KLHL8: variants seen among roughly 807,000 people sequenced by gnomAD.
The protein encoded by KLHL8 is kelch-like protein 8.
KLHL8 carries 38 observed loss-of-function variants against 63.5 expected under a neutral mutation model. The observed-to-expected ratio is 0.60, with a 90% CI of 0.46 to 0.78. KLHL8 has a LOEUF of 0.78. KLHL8 is among the 30% of genes least tolerant of loss of function. The probability of loss-of-function intolerance (pLI) is 0.00; values close to 1 mark genes in which losing one functional copy is unlikely to be tolerated. For synonymous variants in KLHL8, 224 were observed against 254.3 expected (o/e 0.88, Z 1.13); for missense variants, 566 against 752.4 (o/e 0.75, Z 2.90).
chr4:87,190,033 CA>C (rs35607781), intron 2 of KLHL8, among the ~76,000 whole-genome samples: 27,156 of 76,210 alleles, frequency 0.36, 1,613 homozygotes, highest in Middle Eastern at 0.4. Flanking sequence ...GCCTCCATCT[CA>C]AAAAAAAAAA....
chr4:87,199,168 C>T (rs1286427693), intron 1 of KLHL8, among the ~76,000 whole-genome samples: 1 of 152,040 alleles, frequency 6.6e-6, no homozygotes, highest in African/African-American at 2.4e-5. Flanking sequence ...ACCACGCCAA[C>T]AGTAACAAGA....
chr4:87,164,175 T>A, intron 8 of KLHL8, 96 bp from the exon 9 acceptor site: 1 of 1,164,924 alleles, frequency 8.6e-7, no homozygotes. Flanking sequence ...TCTTTTAAAA[T>A]CATTTTAGAA....
At chr4:87,185,104 T>G in intron 3 of KLHL8, 147 bp downstream of exon 3, 1 of 733,802 alleles carries the variant, frequency 1.4e-6, no homozygotes, top group Non-Finnish European at 2.1e-6. Context: ...ACAGGAAAAT[T>G]AGAGAGCTAA....
chr4:87,239,785 G>T (rs1222258231), intron 1 of KLHL8, among the ~76,000 whole-genome samples: 1 of 152,092 alleles, frequency 6.6e-6, no homozygotes, highest in Non-Finnish European at 1.5e-5. Context: ...AAACCTCCTT[G>T]CCAGGTTAGT....
At chr4:87,191,692 A>G (rs1193295168) in intron 2 of KLHL8, among the ~76,000 whole-genome samples, 1 of 152,084 alleles carries the variant, frequency 6.6e-6, no homozygotes, top group Admixed American at 6.6e-5. Context: ...AAATGAATCT[A>G]TAACCCAGGT....
chr4:87,172,380 G>A (rs1416117600), intron 6 of KLHL8, among the ~76,000 whole-genome samples: 3 of 152,172 alleles, frequency 2.0e-5, no homozygotes, highest in Non-Finnish European at 4.4e-5. Context: ...CTTGATTCTG[G>A]CCTTGTGGGA....
At position 87,206,262 on chromosome 4, in the gene KLHL8, T is replaced by C. The variant is rs137932159; in HGVS notation, c.-151-10572A>G. 2.7e-3 allele frequency among the ~76,000 whole-genome samples: 405 copies of C among 152,296 alleles called. 4 individuals are homozygous for C. Among genetic ancestry groups the C allele is most frequent in the African/African-American group, 9.3e-3 (388 of 41,558 alleles). ...TGACTTCCCCTAACCAATCACCACATTCCTCCTTGCCATCAATAAACATCT... is the reference window on the plus strand; with the variant it reads ...TGACTTCCCCTAACCAATCACCACACTCCTCCTTGCCATCAATAAACATCT... On this transcript the variant is annotated intron_variant, in intron 1 of 9. Coordinates refer to ENST00000273963, the MANE Select transcript of KLHL8 (RefSeq NM_020803.5).
intron 2 of KLHL8, among the ~76,000 whole-genome samples, chr4:87,189,466 CTT>C (rs1731390805): frequency 6.6e-6 from 1 of 152,046 alleles, no homozygotes; most frequent in Non-Finnish European, 1.5e-5. Flanking sequence ...TTAATAAAAA[CTT>C]TGAGTAATTT....
intron 1 of KLHL8, chr4:87,207,701 T>C (rs1732196737): frequency 2.2e-6 from 2 of 923,634 alleles, no homozygotes; most frequent in Admixed American, 1.8e-5. Context: ...CTCCAGAACA[T>C]CATCCCTGCC....
rs1025407657 is a variant in KLHL8, at chr4:87,162,728, T to C, written c.*791A>G. 3 of 152,220 alleles carry C rather than the reference T, an allele frequency of 2.0e-5. No homozygotes were observed. The highest frequency in any genetic ancestry group is 1.3e-4 in the Admixed American group (2 of 15,270). 9.4% of individuals were successfully genotyped at this position (152,220 alleles called of 1,614,324 possible). A position where few individuals can be genotyped will look rare whatever the true frequency, so the allele number is the denominator to read the frequency against. ...ATCATTCTTTCTCAAGGTCTCTCAA[T>C]TGGGCACCAGAATAACATCAGATCT... On this transcript the variant is annotated 3_prime_UTR_variant, in exon 10 of 10. Coordinates refer to ENST00000273963, the MANE Select transcript of KLHL8 (RefSeq NM_020803.5).
At chr4:87,226,747 AAT>A (rs1491175894) in intron 1 of KLHL8, among the ~76,000 whole-genome samples, 1 of 20,548 alleles carries the variant, frequency 4.9e-5, no homozygotes, top group South Asian at 1.5e-3. Context: ...ATTTATATAT[AAT>A]ATATATTATT....
At chr4:87,191,724 A>G (rs140416591) in intron 2 of KLHL8, among the ~76,000 whole-genome samples, 1,729 of 152,140 alleles carry the variant, frequency 0.011, 39 homozygotes, top group African/African-American at 0.039. Context: ...TACACAACAT[A>G]AAATAAACAG....
chr4:87,237,226 T>C (rs1733248020), intron 1 of KLHL8, among the ~76,000 whole-genome samples: 1 of 151,914 alleles, frequency 6.6e-6, no homozygotes, highest in Non-Finnish European at 1.5e-5. Flanking sequence ...ATAATGCAAA[T>C]AACAGCAATA....
Position 87,163,982 on chromosome 4 carries a change from A to T in KLHL8, c.1635T>A (p.Gly545=). 1 of 1,613,964 alleles carries T rather than the reference A, an allele frequency of 6.2e-7. No individual in the cohort carries two copies. The highest frequency in any genetic ancestry group is 8.5e-7 in the Non-Finnish European group (1 of 1,179,924). Residue 545 remains glycine (G), a synonymous_variant, in exon 9 of 10, where the codon GGT becomes GGA. Transcript: ENST00000273963. The stretch of plus-strand genomic sequence containing the variant: ...CCATCACTGTTGCGATTCCCACTCC[A>T]CCTCTGGGAGTAGTAAGTGCTGCCA... ...DYVAALTTPR[G]GVGIATVMGK...
chr4:87,174,835 C>T lies in KLHL8; in HGVS notation c.1208+1922G>A, dbSNP rs137982225. ...AATATATGTGATCTTTCTGACAATACAATTCCAATCACTAGGAGGAATTAC... is the reference window on the plus strand; with the variant it reads ...AATATATGTGATCTTTCTGACAATATAATTCCAATCACTAGGAGGAATTAC... On this transcript the variant is annotated intron_variant, in intron 6 of 9. Coordinates refer to ENST00000273963, the MANE Select transcript of KLHL8 (RefSeq NM_020803.5). 2.1e-3 allele frequency among the ~76,000 whole-genome samples: 322 copies of T among 152,324 alleles called. 2 individuals carry two copies. The highest frequency in any genetic ancestry group is 7.0e-3 in the African/African-American group (291 of 41,582).
chr4:87,214,199 A>T (rs1469077853), intron 1 of KLHL8, among the ~76,000 whole-genome samples: 1 of 144,526 alleles, frequency 6.9e-6, no homozygotes, highest in East Asian at 2.0e-4. Flanking sequence ...AGATGGTAAT[A>T]CCCTAAGTCA....
chr4:87,219,956 G>C (rs1350845985), intron 1 of KLHL8: 1 of 150,544 alleles, frequency 6.6e-6, no homozygotes, highest in Non-Finnish European at 1.5e-5. Flanking sequence ...GCTCCAGGGG[G>C]CGTCCGGCCG....
In KLHL8 at chr4:87,195,430, T is replaced by A. The variant is rs753346085; in HGVS notation, c.110A>T (p.Asp37Val). 11 of 1,613,726 alleles carry A rather than the reference T, an allele frequency of 6.8e-6. 1 individual carries two copies. In the South Asian group the frequency reaches 9.9e-5, roughly 14 times the overall value. The change falls in exon 2 of 10, where the codon GAT (aspartate) becomes GTT (valine). Residue 37 changes from aspartate (D) to valine (V), a missense_variant. By Grantham distance (152) the Asp-to-Val change is radical (BLOSUM62 -3). Coordinates refer to ENST00000273963, the MANE Select transcript of KLHL8 (RefSeq NM_020803.5). The part of the protein sequence containing the change: ...IKNRSSISDG[D>V]GEDSFIFEAN... ...TTCAAAAATAAAGGAATCTTCTCCA[T>A]CACCATCACTAATTGAGGATCTGTT...
chr4:87,169,435 C>T (rs1313948085), intron 8 of KLHL8, among the ~76,000 whole-genome samples: 1 of 152,198 alleles, frequency 6.6e-6, no homozygotes, highest in Admixed American at 6.5e-5. Context: ...AATCTGTGTC[C>T]TTCCATTTAA....
Sources: allele counts gnomAD v4.1 joint callset (sites outside exome capture counted in the v4.1 genomes callset), GRCh38; gene constraint gnomAD v4.1.1; transcripts MANE v1.5; gene names NCBI Gene and HGNC (gene_info 2026-07-23, HGNC 2026-07-21).